Variants in PIWIL1 observed in about 807,000 individuals in gnomAD.
PIWIL1 encodes the protein piwi like RNA-mediated gene silencing 1, also known as piwi-like protein 1.
PIWIL1 carries 73 observed loss-of-function variants against 114.4 expected under a neutral mutation model. The ratio of observed to expected loss-of-function variants is 0.64; its 90% CI spans 0.53 to 0.78. The LOEUF (loss-of-function observed/expected upper bound fraction) is 0.78. PIWIL1 is among the 30% of genes least tolerant of loss of function. The pLI is 0.00. For missense variants in PIWIL1, 723 were observed against 1,063.1 expected, an observed-to-expected ratio of 0.68 and a Z score of 4.45; for synonymous variants, 375 against 369.0, an observed-to-expected ratio of 1.02 and a Z score of -0.19.
chr12:130,424,915 G>A, the PIWIL1 span: 1 of 1,052,628 alleles, frequency 9.5e-7, no homozygotes, highest in Non-Finnish European at 1.2e-6. This position sits in a 1 kb window ranked among gnomAD's most constrained non-coding sequence, Gnocchi z 9.8. Context: ...TCAGCATGAA[G>A]TGGGGGCCAG....
At chr12:130,424,267 C>T in the PIWIL1 span, 172 of 1,231,818 alleles carry the variant, frequency 1.4e-4, no homozygotes, top group Middle Eastern at 9.4e-4. The surrounding 1 kb of genome is among the most constrained non-coding windows in gnomAD (Gnocchi z 9.8). Context: ...TCGCCCCAGC[C>T]GTGCTTCCTG....
chr12:130,400,510 GCCTA>G, the PIWIL1 span, among the ~76,000 whole-genome samples: 3 of 152,116 alleles, frequency 2.0e-5, no homozygotes, highest in Non-Finnish European at 4.4e-5. Flanking sequence ...TGGCTCACAG[GCCTA>G]CCACGTCACT....
At chr12:130,392,079 G>GTCC in the PIWIL1 span, among the ~76,000 whole-genome samples, 39 of 123,986 alleles carry the variant, frequency 3.1e-4, no homozygotes, top group Non-Finnish European at 5.5e-4. Flanking sequence ...GTCATCACGT[G>GTCC]GATGCATCAG....
intron 18 of PIWIL1, among the ~76,000 whole-genome samples, chr12:130,363,960 A>G (rs967663647): frequency 1.3e-5 from 2 of 152,126 alleles, no homozygotes; most frequent in Admixed American, 1.3e-4. Flanking sequence ...CGAGGATGGT[A>G]TCCAGATGCT....
At chr12:130,422,417 G>T in the PIWIL1 span, 1 of 1,467,884 alleles carries the variant, frequency 6.8e-7, no homozygotes, top group Non-Finnish European at 9.5e-7. This position sits in a 1 kb window ranked among gnomAD's most constrained non-coding sequence, Gnocchi z 5.2. Context: ...ATGCTCCGCG[G>T]CTGAAAGACA....
rs146066302 is a variant in PIWIL1 at position 130,357,065 on chromosome 12, G to A, written c.1552G>A (p.Val518Ile). Residue 518 changes from valine to isoleucine, a missense_variant, in exon 13 of 21, where the codon GTT becomes ATT. Physicochemically the swap from Val to Ile is conservative, Grantham distance 29. Transcript: ENST00000245255. The part of the protein sequence containing the change: ...ANSLIQNLFK[V>I]TPAMGMQMRK... ...TTCATTGATACAAAATCTATTTAAAGTTACACCAGCCATGGGCATGCAAAT... is the reference window on the plus strand; with the variant it reads ...TTCATTGATACAAAATCTATTTAAAATTACACCAGCCATGGGCATGCAAAT... 3.1e-6 allele frequency: 5 copies of A among 1,613,044 alleles called. No homozygotes were observed. The African/African-American group carries it at 6.7e-5, about 22-fold the overall frequency.
chr12:130,404,554 C>A, the PIWIL1 span, among the ~76,000 whole-genome samples: 1 of 152,174 alleles, frequency 6.6e-6, no homozygotes, highest in Admixed American at 6.5e-5. Flanking sequence ...CACGCCTCAG[C>A]CTCCGCATGA....
chr12:130,392,076 CGTGG>C, the PIWIL1 span, among the ~76,000 whole-genome samples: 501 of 94,176 alleles, frequency 5.3e-3, 12 homozygotes, highest in Admixed American at 0.015. Flanking sequence ...ACCGTCATCA[CGTGG>C]ATGCATCAGT....
chr12:130,354,563 G>A lies in PIWIL1; in HGVS notation c.1071G>A (p.Leu357=). The A allele has an allele frequency of 6.2e-7, 1 of 1,614,132 alleles. No individual in the cohort carries two copies. Among genetic ancestry groups the A allele is most frequent in the Non-Finnish European group, 8.5e-7 (1 of 1,180,030 alleles). ...AATACAACCAAGAGATCACCGACTT[G>A]AAGCAGCCTGTCTTGGTCAGCCAGC... ...RKQYNQEITD[L]KQPVLVSQPK... The change falls in exon 10 of 21, where the codon TTG becomes TTA. Residue 357 remains leucine (L), a synonymous_variant. Transcript: ENST00000245255.
chr12:130,395,142 T>C, the PIWIL1 span, among the ~76,000 whole-genome samples: 1 of 152,100 alleles, frequency 6.6e-6, no homozygotes, highest in South Asian at 2.1e-4. Context: ...GAGGAAATGG[T>C]TTCTGTTCTT....
chr12:130,348,654 GC>G (rs2073134367), intron 7 of PIWIL1, among the ~76,000 whole-genome samples: 1 of 152,164 alleles, frequency 6.6e-6, no homozygotes, highest in Non-Finnish European at 1.5e-5. Flanking sequence ...TGTAGTCCCA[GC>G]ACTTTGGGAG....
At chr12:130,382,915 A>G in the PIWIL1 span, among the ~76,000 whole-genome samples, 2 of 152,248 alleles carry the variant, frequency 1.3e-5, no homozygotes, top group East Asian at 3.8e-4. Context: ...GGAAAGCTGA[A>G]ATAGTAAGAA....
chr12:130,380,667 T>G, the PIWIL1 span, among the ~76,000 whole-genome samples: 1 of 152,238 alleles, frequency 6.6e-6, no homozygotes, highest in African/African-American at 2.4e-5. Flanking sequence ...TTTATACTTG[T>G]CCAAATTCCA....
At chr12:130,416,738 A>C in the PIWIL1 span, among the ~76,000 whole-genome samples, 1 of 152,192 alleles carries the variant, frequency 6.6e-6, no homozygotes, top group Non-Finnish European at 1.5e-5. Context: ...CTAATTAAAG[A>C]ACTTCTGCAC....
Position 130,371,463 on chromosome 12 carries a change from T to A in PIWIL1, c.2470-19T>A, listed in dbSNP as rs2073815480. On this transcript the variant is annotated intron_variant, in intron 20 of 20. Coordinates refer to ENST00000245255, the MANE Select transcript of PIWIL1 (RefSeq NM_004764.5). Reference sequence around the variant, plus strand: ...GGCTAAGTCTAGAGTAATAGAACCTTTTTTTCCTTCCACTAAAGGGTGTCA... The same window carrying A: ...GGCTAAGTCTAGAGTAATAGAACCTATTTTTCCTTCCACTAAAGGGTGTCA... 1 of 1,612,454 alleles carries A rather than the reference T, an allele frequency of 6.2e-7. No homozygotes were observed. Among genetic ancestry groups the A allele is most frequent in the African/African-American group, 1.3e-5 (1 of 74,896 alleles).
At chr12:130,385,162 G>A in the PIWIL1 span, among the ~76,000 whole-genome samples, 1 of 152,172 alleles carries the variant, frequency 6.6e-6, no homozygotes, top group African/African-American at 2.4e-5. Context: ...AGTTGGCTTG[G>A]TGATGAGAAA....
At chr12:130,385,116 T>G in the PIWIL1 span, among the ~76,000 whole-genome samples, 1 of 152,232 alleles carries the variant, frequency 6.6e-6, no homozygotes, top group African/African-American at 2.4e-5. Flanking sequence ...GATGAACTAT[T>G]AGTTTTCATT....
the PIWIL1 span, chr12:130,420,913 T>A: frequency 6.6e-5 from 10 of 152,240 alleles, no homozygotes; most frequent in Admixed American, 6.5e-4. The surrounding 1 kb of genome is among the most constrained non-coding windows in gnomAD (Gnocchi z 4.3). Context: ...ACGTCCTTTC[T>A]GAGCGCCTAC....
At chr12:130,392,793 ACG>A in the PIWIL1 span, among the ~76,000 whole-genome samples, 4 of 138,586 alleles carry the variant, frequency 2.9e-5, no homozygotes, top group African/African-American at 5.5e-5. Context: ...CACCGTCATC[ACG>A]TGTGTCCGTC....
Sources: gnomAD v4.1 joint callset for allele counts (sites outside exome capture counted in the v4.1 genomes callset) on GRCh38, gnomAD v4.1.1 for gene constraint, Gnocchi (gnomAD v3.1) non-coding constraint, MANE v1.5 for transcripts, NCBI Gene and HGNC (gene_info 2026-07-23, HGNC 2026-07-21) for gene names.